Variants in NLRP7 observed in about 807,000 individuals in gnomAD.
The protein encoded by NLRP7 is NLR family pyrin domain containing 7.
A neutral mutation model predicts 85.5 loss-of-function variants in NLRP7; 72 were observed. That is an observed-to-expected ratio of 0.84 (90% CI 0.70 to 1.02). NLRP7 has a LOEUF of 1.02. Ranked by LOEUF, NLRP7 falls within the 50% of genes least tolerant of loss-of-function variation. The probability of loss-of-function intolerance (pLI) is 0.00; values close to 1 mark genes in which losing one functional copy is unlikely to be tolerated. For synonymous variants in NLRP7, 550 were observed against 505.2 expected, an observed-to-expected ratio of 1.09 and a Z score of -1.19; for missense variants, 1,243 against 1,219.5, an observed-to-expected ratio of 1.02 and a Z score of -0.29.
rs115724298 is a variant in NLRP7 at position 54,923,735 on chromosome 19, G to A, written c.*5C>T. On this transcript the variant is annotated 3_prime_UTR_variant, in exon 10 of 10. Transcript: ENST00000340844. ...TGTGTAATTCGTAGAGCGATCCCAG[G>A]CTGCTCAGCAAAAAAAGTCACAGCA... is the stretch of plus-strand genomic sequence containing the variant. 1,723 of 1,612,552 alleles carry A rather than the reference G, an allele frequency of 1.1e-3. 24 individuals are homozygous for A. In the African/African-American group the frequency reaches 0.02, roughly 19 times the overall value.
At chr19:54,956,096 C>T (rs542943744) in intron 1 of NLRP7, among the ~76,000 whole-genome samples, 1 of 147,798 alleles carries the variant, frequency 6.8e-6, no homozygotes, top group African/African-American at 2.5e-5. Flanking sequence ...GCCATGATCT[C>T]GCAACTGCAC....
intron 9 of NLRP7, among the ~76,000 whole-genome samples, chr19:54,927,296 G>A (rs576569862): frequency 2.0e-5 from 3 of 149,768 alleles, no homozygotes; most frequent in African/African-American, 2.5e-5. Context: ...TGGGAGAATC[G>A]CTTGAACCCA....
chr19:54,935,255 G>C (rs988680024), intron 6 of NLRP7, among the ~76,000 whole-genome samples: 3 of 151,606 alleles, frequency 2.0e-5, no homozygotes, highest in Admixed American at 1.3e-4. Context: ...TTTGAGACAG[G>C]ATCTCGCTCT....
At chr19:54,959,000 C>T (rs377010553) in intron 1 of NLRP7, among the ~76,000 whole-genome samples, 5 of 152,106 alleles carry the variant, frequency 3.3e-5, no homozygotes, top group Non-Finnish European at 5.9e-5. Context: ...TGGATAACAT[C>T]GGGTTCTAAG....
At position 54,941,791 on chromosome 19, in the gene NLRP7, A is replaced by G. The variant is rs749922463; in HGVS notation, c.-39-41T>C. ...GAAAAACAGTTCACGAGTTACCATC[A>G]TTAAATGAAACCACAGTTTCCTGTG... On this transcript the variant is annotated intron_variant, in intron 1 of 9. Transcript: ENST00000340844. 12 of 1,448,688 alleles carry G rather than the reference A, an allele frequency of 8.3e-6. No individual in the cohort carries two copies. The African/African-American group carries it at 8.5e-5, about 10-fold the overall frequency. 89.7% of individuals were successfully genotyped at this position (1,448,688 alleles called of 1,614,324 possible). A position where few individuals can be genotyped will look rare whatever the true frequency, so the allele number is the denominator to read the frequency against.
chr19:54,947,507 T>C (rs988501410), upstream of NLRP7: 3 of 1,289,746 alleles, frequency 2.3e-6, no homozygotes, highest in African/African-American at 1.5e-5. Context: ...CTGTGTTTCC[T>C]GCAAAGGAAA....
intron 6 of NLRP7, among the ~76,000 whole-genome samples, chr19:54,935,781 G>C (rs149425302): frequency 1.3e-3 from 195 of 151,776 alleles, no homozygotes; most frequent in Admixed American, 4.9e-3. Flanking sequence ...ATCTGAGATT[G>C]ATGATCCATT....
intron 1 of NLRP7, among the ~76,000 whole-genome samples, chr19:54,959,806 A>T (rs527546478): frequency 1.8e-4 from 28 of 152,000 alleles, no homozygotes; most frequent in African/African-American, 6.7e-4. Flanking sequence ...GTAGAAAGTA[A>T]ATGGAGACAG....
At chr19:54,930,411 G>A (rs572343312) in intron 9 of NLRP7, 88 bp downstream of exon 9, 17 of 911,046 alleles carry the variant, frequency 1.9e-5, no homozygotes, top group East Asian at 2.5e-5. Context: ...GCAGTGAGCC[G>A]TAATCACCCC....
In NLRP7 at chr19:54,941,461, C is replaced by T. The variant is rs104895509; in HGVS notation, c.251G>A (p.Cys84Tyr). 1.8e-4 allele frequency: 286 copies of T among 1,599,190 alleles called. 3 individuals carry two copies. In the East Asian group the frequency reaches 3.6e-3, roughly 20 times the overall value. Residue 84 changes from cysteine to tyrosine, a missense_variant, in exon 2 of 10, where the codon TGT becomes TAT. Physicochemically the swap from Cys to Tyr is radical, Grantham distance 194. Around this residue, in one of 3 missense-constraint regions of NLRP7, gnomAD observed 591 missense variants for 563.3 expected, o/e 1.05. Coordinates refer to ENST00000340844, the Ensembl canonical transcript of NLRP7. Reference sequence around the variant, plus strand: ...CATCATCTCAGCCTTTGCCATCTTACACAATTCCGTGAGATTCATCTCTTC... The same window carrying T: ...CATCATCTCAGCCTTTGCCATCTTATACAATTCCGTGAGATTCATCTCTTC...
intron 1 of NLRP7, among the ~76,000 whole-genome samples, chr19:54,945,789 G>A (rs2069443953): frequency 6.6e-6 from 1 of 150,564 alleles, no homozygotes. Flanking sequence ...AGTAGAGACA[G>A]GGTTTCTTGT....
At chr19:54,945,278 G>A (rs2069420066) in intron 1 of NLRP7, among the ~76,000 whole-genome samples, 1 of 147,086 alleles carries the variant, frequency 6.8e-6, no homozygotes, top group Non-Finnish European at 1.5e-5. Flanking sequence ...AAAATTCAGG[G>A]TTTTTTTTTT....
At position 54,923,562 on chromosome 19, in the gene NLRP7, T is replaced by C. The variant is rs2068307089; in HGVS notation, c.*178A>G. ...CCCTGTGAGAAAGTACATAGCGTCA[T>C]GTGAAGGGGGTGCGTGACTCGTGCA... On this transcript the variant is annotated 3_prime_UTR_variant, in exon 10 of 10. Transcript: ENST00000340844. The C allele has an allele frequency of 5.6e-6, 4 of 719,818 alleles. No individual in the cohort carries two copies. In the East Asian group the frequency reaches 7.6e-5, roughly 14 times the overall value. The allele number at this position is 719,818 out of a possible 1,614,324, so 44.6% of individuals were successfully genotyped here.
At chr19:54,964,681 C>T (rs2146299689) in intron 1 of NLRP7, among the ~76,000 whole-genome samples, 1 of 147,872 alleles carries the variant, frequency 6.8e-6, no homozygotes, top group East Asian at 2.1e-4. Flanking sequence ...CAAAAATTAA[C>T]CAGGCGTTGT....
chr19:54,926,209 T>TGG (rs2068432181), intron 9 of NLRP7, among the ~76,000 whole-genome samples: 1 of 146,334 alleles, frequency 6.8e-6, no homozygotes, highest in Non-Finnish European at 1.5e-5. Flanking sequence ...ATTAGGGGTG[T>TGG]GTGTGTGTGT....
At chr19:54,940,982 C>G in exon 3 of NLRP7, 1 of 1,612,528 alleles carries the variant, frequency 6.2e-7, no homozygotes, top group Non-Finnish European at 8.5e-7. Flanking sequence ...TCAGGATTAT[C>G]TATTTCTTGC....
At chr19:54,963,887 CT>C (rs201876734) in intron 1 of NLRP7, among the ~76,000 whole-genome samples, 25,001 of 142,698 alleles carry the variant, frequency 0.18, 2,283 homozygotes, top group Non-Finnish European at 0.21. Context: ...CAACTTTTTT[CT>C]TTTTTTTTTT....
At chr19:54,960,848 G>A (rs535190008) in intron 1 of NLRP7, among the ~76,000 whole-genome samples, 1 of 152,004 alleles carries the variant, frequency 6.6e-6, no homozygotes, top group South Asian at 2.1e-4. Context: ...GCTTGCCTCG[G>A]CCTCCCAAAG....
intron 1 of NLRP7, among the ~76,000 whole-genome samples, chr19:54,962,739 A>G (rs2070095808): frequency 1.3e-5 from 2 of 150,998 alleles, no homozygotes; most frequent in African/African-American, 2.4e-5. Flanking sequence ...AGCTGGGACT[A>G]CAGGCGCCCG....
Sources: allele counts gnomAD v4.1 joint callset (sites outside exome capture counted in the v4.1 genomes callset), GRCh38; gene constraint gnomAD v4.1.1; regional missense constraint gnomAD v4.1.1; transcripts MANE v1.5; gene names NCBI Gene and HGNC (gene_info 2026-07-23, HGNC 2026-07-21).